The following SMPDL3A variants were observed in gnomAD, a reference collection of about 807,000 sequenced individuals.
SMPDL3A encodes the protein sphingomyelin phosphodiesterase acid like 3A.
Under a neutral mutation model 38.5 loss-of-function variants are expected in SMPDL3A, and 39 were observed. The ratio of observed to expected loss-of-function variants is 1.01; its 90% confidence interval spans 0.78 to 1.32. The LOEUF is 1.32. Among genes scored for constraint, SMPDL3A ranks in the 40% most tolerant of loss-of-function variants. SMPDL3A has a pLI of 0.00. For synonymous variants in SMPDL3A, 180 were observed against 194.3 expected, an observed-to-expected ratio of 0.93 and a Z score of 0.61; for missense variants, 502 against 536.2, an observed-to-expected ratio of 0.94 and a Z score of 0.63.
chr6:122,803,895 A>G (rs951488136), intron 5 of SMPDL3A, 62 bp downstream of exon 5: 2 of 1,436,958 alleles, frequency 1.4e-6, no homozygotes, highest in Non-Finnish European at 1.9e-6. Flanking sequence ...TATGTTTATT[A>G]AACTCGGGGT....
chr6:122,801,532 A>G lies in SMPDL3A; in HGVS notation c.568+126A>G, dbSNP rs754890356. On this transcript the variant is annotated intron_variant, in intron 4 of 7. Coordinates refer to ENST00000368440, the MANE Select transcript of SMPDL3A (RefSeq NM_006714.5). Reference sequence around the variant, plus strand: ...ACAGCCCCCAGTTTTTGTGGAGGACAGTGAGTAGTAATGCTGCCTGTGACA... The same window carrying G: ...ACAGCCCCCAGTTTTTGTGGAGGACGGTGAGTAGTAATGCTGCCTGTGACA... 180 of 687,698 alleles carry G rather than the reference A, an allele frequency of 2.6e-4. No individual in the cohort carries two copies. Among genetic ancestry groups the G allele is most frequent in the Non-Finnish European group, 4.1e-4 (156 of 384,450 alleles). 42.6% of individuals were successfully genotyped at this position (687,698 alleles called of 1,614,324 possible). A position where few individuals can be genotyped will look rare whatever the true frequency, so the allele number is the denominator to read the frequency against.
chr6:122,807,574 T>C (rs937834736), intron 7 of SMPDL3A, among the ~76,000 whole-genome samples: 2 of 152,244 alleles, frequency 1.3e-5, no homozygotes, highest in Admixed American at 6.5e-5. Flanking sequence ...GCTTCATGGC[T>C]CCTTGCTTTA....
At chr6:122,799,961 CTTT>C (rs112956534) in intron 3 of SMPDL3A, among the ~76,000 whole-genome samples, 10 of 124,520 alleles carry the variant, frequency 8.0e-5, no homozygotes, top group Admixed American at 8.6e-5. Flanking sequence ...TCAGTATTTA[CTTT>C]TTTTTTTTTT....
At chr6:122,791,247 T>G (rs1781066392) in intron 1 of SMPDL3A, among the ~76,000 whole-genome samples, 1 of 152,230 alleles carries the variant, frequency 6.6e-6, no homozygotes, top group Non-Finnish European at 1.5e-5. Context: ...TCTAGGAAGC[T>G]TCACCTGTGT....
intron 6 of SMPDL3A, among the ~76,000 whole-genome samples, chr6:122,805,739 C>T (rs1015154162): frequency 6.6e-6 from 1 of 152,202 alleles, no homozygotes; most frequent in Non-Finnish European, 1.5e-5. Context: ...TATCCTGCCT[C>T]AGCCTCCCGA....
intron 3 of SMPDL3A, among the ~76,000 whole-genome samples, 181 bp from the exon 4 acceptor site, chr6:122,801,129 T>C (rs962012648): frequency 2.0e-5 from 3 of 152,220 alleles, no homozygotes; most frequent in South Asian, 2.1e-4. Flanking sequence ...TTATAGTTAA[T>C]TGGTTACATT....
intron 7 of SMPDL3A, among the ~76,000 whole-genome samples, chr6:122,807,892 T>A (rs1195195305): frequency 6.6e-6 from 1 of 152,130 alleles, no homozygotes; most frequent in African/African-American, 2.4e-5. Flanking sequence ...TTGCCTAATT[T>A]TGGATCTGAA....
In SMPDL3A at chr6:122,809,297, T is replaced by C. The variant is rs1360278837; in HGVS notation, c.1251T>C (p.Ser417=). 1 of 1,612,820 alleles carries C rather than the reference T, an allele frequency of 6.2e-7. No individual in the cohort carries two copies. Among genetic ancestry groups the C allele is most frequent in the East Asian group, 2.2e-5 (1 of 44,860 alleles). The change falls in exon 8 of 8, where the codon AGT becomes AGC. Residue 417 remains serine (S), a synonymous_variant. Transcript: ENST00000368440. ...ACTTCTTTGTGAGTTATGACAGCAG[T>C]GTAACATGTGATAAGACATGTAAGG... ...YNYFFVSYDS[S]VTCDKTCKAF...
At chr6:122,800,366 T>G (rs1265184029) in intron 3 of SMPDL3A, among the ~76,000 whole-genome samples, 1 of 152,228 alleles carries the variant, frequency 6.6e-6, no homozygotes, top group Non-Finnish European at 1.5e-5. Flanking sequence ...TTCAAAGAGT[T>G]AAGAAGCTTA....
At chr6:122,793,784 C>G (rs1317916245) in intron 1 of SMPDL3A, among the ~76,000 whole-genome samples, 1 of 152,134 alleles carries the variant, frequency 6.6e-6, no homozygotes, top group African/African-American at 2.4e-5. Flanking sequence ...ACCCCTTTCA[C>G]CTTAACGTAT....
intron 1 of SMPDL3A, among the ~76,000 whole-genome samples, chr6:122,793,103 A>C (rs1440138413): frequency 6.6e-6 from 1 of 152,234 alleles, no homozygotes; most frequent in African/African-American, 2.4e-5. Context: ...TGGAGTATAC[A>C]TAATAATGAG....
intron 1 of SMPDL3A, among the ~76,000 whole-genome samples, chr6:122,794,908 A>G (rs1164275615): frequency 6.6e-6 from 1 of 152,188 alleles, no homozygotes; most frequent in African/African-American, 2.4e-5. Context: ...TCTGCAGTCT[A>G]CCTACTCACT....
rs1297296104 is a variant in SMPDL3A at position 122,808,601 on chromosome 6, CCCTCCCTCCCTTCCTTCCTT to C, written c.1045-486_1045-467del. On this transcript the variant is annotated intron_variant, in intron 7 of 7. Transcript: ENST00000368440. ...TTTTATTGAGCCTCCCTTCCTCCCTCCCTCCCTCCCTTCCTTCCTTCCTTCCTTCCTTCCTTCCTTCCCCC... is the reference window on the plus strand; with the variant it reads ...TTTTATTGAGCCTCCCTTCCTCCCTCCCTTCCTTCCTTCCTTCCTTCCCCC... Among the ~76,000 whole-genome samples the C allele has an allele frequency of 5.3e-4, 28 of 53,174 alleles. 1 individual carries two copies. The South Asian group carries it at 0.01, about 19-fold the overall frequency. The allele number at this position is 53,174 out of a possible 152,430, so 34.9% of individuals were successfully genotyped here. A position where few individuals can be genotyped will look rare whatever the true frequency, so the allele number is the denominator to read the frequency against.
intron 3 of SMPDL3A, among the ~76,000 whole-genome samples, chr6:122,798,457 C>G (rs930329633): frequency 6.6e-6 from 1 of 152,192 alleles, no homozygotes; most frequent in Non-Finnish European, 1.5e-5. Flanking sequence ...CACTCCCTCC[C>G]TCTCCGCCAC....
At chr6:122,796,583 G>C (rs1055599743) in intron 2 of SMPDL3A, among the ~76,000 whole-genome samples, 7 of 152,136 alleles carry the variant, frequency 4.6e-5, no homozygotes, top group African/African-American at 1.4e-4. Flanking sequence ...TAAATCTTCA[G>C]TCAGGTAGTG....
chr6:122,800,685 G>T (rs781493467), intron 3 of SMPDL3A, among the ~76,000 whole-genome samples: 2 of 152,174 alleles, frequency 1.3e-5, no homozygotes, highest in Admixed American at 6.5e-5. Context: ...CTTATTTAAG[G>T]CCTGGCTTAA....
chr6:122,800,495 T>C (rs1010959123), intron 3 of SMPDL3A, among the ~76,000 whole-genome samples: 6 of 152,212 alleles, frequency 3.9e-5, no homozygotes, highest in African/African-American at 1.2e-4. Flanking sequence ...TTGGCATCTC[T>C]TTAATGAGCA....
chr6:122,795,362 C>T (rs1429033044), intron 1 of SMPDL3A, among the ~76,000 whole-genome samples: 3 of 152,044 alleles, frequency 2.0e-5, no homozygotes, highest in Admixed American at 6.6e-5. Context: ...AGGTTGGTCT[C>T]GAACTCCTGA....
chr6:122,799,654 T>G (rs1057401549), intron 3 of SMPDL3A, among the ~76,000 whole-genome samples: 1 of 152,220 alleles, frequency 6.6e-6, no homozygotes, highest in African/African-American at 2.4e-5. Flanking sequence ...ACCCTGATCT[T>G]GGACACAAAC....
Sources: gnomAD v4.1 joint callset for allele counts (sites outside exome capture counted in the v4.1 genomes callset) on GRCh38, gnomAD v4.1.1 for gene constraint, MANE v1.5 for transcripts, NCBI Gene and HGNC (gene_info 2026-07-23, HGNC 2026-07-21) for gene names.